CDC42SE2: variants seen among roughly 807,000 people sequenced by gnomAD.
The protein encoded by CDC42SE2 is CDC42 small effector protein 2.
A neutral mutation model predicts 11.5 loss-of-function variants in CDC42SE2; 3 were observed. The observed-to-expected ratio is 0.26, with a 90% CI of 0.12 to 0.67. The LOEUF (loss-of-function observed/expected upper bound fraction) is 0.67, where lower values mean the gene tolerates loss of function less well. CDC42SE2 is among the 30% of genes least tolerant of loss of function. CDC42SE2 has a pLI of 0.80. For missense variants in CDC42SE2, 82 were observed against 106.8 expected, an observed-to-expected ratio of 0.77 and a Z score of 1.02; for synonymous variants, 33 against 34.8, an observed-to-expected ratio of 0.95 and a Z score of 0.18.
chr5:131,368,484 C>T (rs1205800038), intron 3 of CDC42SE2, among the ~76,000 whole-genome samples: 1 of 152,086 alleles, frequency 6.6e-6, no homozygotes, highest in Non-Finnish European at 1.5e-5. Flanking sequence ...GTGTTTTGGC[C>T]AGTCTTAGTC....
At chr5:131,211,603 G>C in the CDC42SE2 span, among the ~76,000 whole-genome samples, 5 of 152,116 alleles carry the variant, frequency 3.3e-5, no homozygotes, top group Admixed American at 2.6e-4. Context: ...GTGGATTGTG[G>C]GAACGTCCCT....
chr5:131,345,718 T>C (rs1244591482), intron 2 of CDC42SE2, among the ~76,000 whole-genome samples: 1 of 151,930 alleles, frequency 6.6e-6, no homozygotes, highest in Non-Finnish European at 1.5e-5. Context: ...AAGGTTGAAA[T>C]GAAGGAAAAA....
chr5:131,288,150 G>A (rs1346219265), intron 1 of CDC42SE2, among the ~76,000 whole-genome samples: 3 of 151,820 alleles, frequency 2.0e-5, no homozygotes, highest in African/African-American at 7.3e-5. Context: ...CTTAAGCCCC[G>A]GAGGTTGAGG....
At chr5:131,215,540 T>C in the CDC42SE2 span, among the ~76,000 whole-genome samples, 2 of 152,230 alleles carry the variant, frequency 1.3e-5, no homozygotes, top group African/African-American at 4.8e-5. Flanking sequence ...GTCTGTTTTT[T>C]AGTTTACATG....
intron 1 of CDC42SE2, among the ~76,000 whole-genome samples, chr5:131,280,404 C>T (rs1254894547): frequency 6.6e-6 from 1 of 152,136 alleles, no homozygotes; most frequent in African/African-American, 2.4e-5. Context: ...TAGACTCTGA[C>T]ATTTCACTTT....
chr5:131,235,167 G>A, the CDC42SE2 span, among the ~76,000 whole-genome samples: 1 of 152,102 alleles, frequency 6.6e-6, no homozygotes, highest in African/African-American at 2.4e-5. Context: ...GGGATTACAG[G>A]CGTGAGCCAC....
intron 1 of CDC42SE2, among the ~76,000 whole-genome samples, chr5:131,290,005 G>A (rs1332207077): frequency 6.6e-6 from 1 of 152,008 alleles, no homozygotes; most frequent in Non-Finnish European, 1.5e-5. Context: ...ACCATTCTTG[G>A]CTAATTATTT....
intron 2 of CDC42SE2, among the ~76,000 whole-genome samples, chr5:131,336,572 A>G (rs1035116700): frequency 2.6e-5 from 4 of 152,206 alleles, no homozygotes; most frequent in Admixed American, 6.5e-5. Flanking sequence ...GTGTTTTCCA[A>G]CTTGGTTCCA....
At chr5:131,278,424 A>T (rs1159619062) in intron 1 of CDC42SE2, among the ~76,000 whole-genome samples, 2 of 151,990 alleles carry the variant, frequency 1.3e-5, no homozygotes, top group Admixed American at 1.3e-4. Context: ...AACTGTTGTG[A>T]TGATTCTTAG....
chr5:131,217,900 C>G, the CDC42SE2 span, among the ~76,000 whole-genome samples: 1 of 152,100 alleles, frequency 6.6e-6, no homozygotes, highest in Admixed American at 6.5e-5. Context: ...TGAGGCTGGG[C>G]ACAGTGGCTT....
At chr5:131,310,165 T>G (rs540273063) in intron 1 of CDC42SE2, among the ~76,000 whole-genome samples, 241 of 152,148 alleles carry the variant, frequency 1.6e-3, no homozygotes, top group African/African-American at 5.5e-3. Context: ...CTCGTTGGTT[T>G]CAAAGAACAT....
intron 1 of CDC42SE2, among the ~76,000 whole-genome samples, chr5:131,304,476 G>GA (rs1757743186): frequency 6.6e-6 from 1 of 152,142 alleles, no homozygotes; most frequent in Non-Finnish European, 1.5e-5. Flanking sequence ...AGCAGAATAT[G>GA]AAGTCCATTT....
At chr5:131,223,621 T>C in the CDC42SE2 span, among the ~76,000 whole-genome samples, 8 of 152,338 alleles carry the variant, frequency 5.3e-5, no homozygotes, top group African/African-American at 1.9e-4. Context: ...ATTGCTCCAA[T>C]AGTTCCTGCT....
the CDC42SE2 span, among the ~76,000 whole-genome samples, chr5:131,235,050 G>C: frequency 6.6e-6 from 1 of 150,746 alleles, no homozygotes; most frequent in Non-Finnish European, 1.5e-5. Flanking sequence ...CACCACACCT[G>C]GCTAAATTTT....
chr5:131,332,783 T>C (rs1758452979), intron 2 of CDC42SE2, among the ~76,000 whole-genome samples: 1 of 152,242 alleles, frequency 6.6e-6, no homozygotes, highest in Admixed American at 6.5e-5. Context: ...AAAGTGTCTG[T>C]TCATATCCTT....
At chr5:131,260,033 T>C (rs1304867698), upstream of CDC42SE2, among the ~76,000 whole-genome samples, 1 of 152,264 alleles carries the variant, frequency 6.6e-6, no homozygotes, top group East Asian at 1.9e-4. Context: ...AGCTTAATTA[T>C]ATGCTTGTGT....
chr5:131,337,662 G>A (rs953101448), intron 2 of CDC42SE2, among the ~76,000 whole-genome samples: 6 of 152,198 alleles, frequency 3.9e-5, no homozygotes, highest in African/African-American at 2.4e-5. Context: ...TCAAGCCTGA[G>A]CAATGGCGGG....
chr5:131,348,789 C>T (rs1038361725), intron 2 of CDC42SE2, among the ~76,000 whole-genome samples: 65 of 152,116 alleles, frequency 4.3e-4, no homozygotes, highest in Admixed American at 6.6e-5. Context: ...GGTACCAAAA[C>T]AAAGATATAG....
intron 3 of CDC42SE2, among the ~76,000 whole-genome samples, chr5:131,366,550 GT>G (rs935475499): frequency 1.1e-4 from 16 of 151,802 alleles, no homozygotes; most frequent in East Asian, 5.8e-4. Context: ...AGATTGGAGG[GT>G]TTTTTTTGTT....
Sources: gnomAD v4.1 joint callset for allele counts (sites outside exome capture counted in the v4.1 genomes callset) on GRCh38, gnomAD v4.1.1 for gene constraint, MANE v1.5 for transcripts, NCBI Gene and HGNC (gene_info 2026-07-23, HGNC 2026-07-21) for gene names.